The following UBL3 variants were observed in gnomAD, a reference collection of about 807,000 sequenced individuals.
UBL3 encodes the protein ubiquitin like 3, also known as ubiquitin-like protein 3.
Under a neutral mutation model 18.4 loss-of-function variants are expected in UBL3, and 6 were observed. That is an observed-to-expected ratio of 0.33 (90% CI 0.18 to 0.64). The LOEUF (loss-of-function observed/expected upper bound fraction) is 0.64. Ranked by LOEUF, UBL3 falls within the 30% of genes least tolerant of loss-of-function variation. UBL3 has a pLI of 0.76. For synonymous variants in UBL3, 49 were observed against 46.6 expected (o/e 1.05, Z -0.21); for missense variants, 109 against 142.9 (o/e 0.76, Z 1.21).
At chr13:29,805,717 A>C (rs1877882925) in intron 1 of UBL3, among the ~76,000 whole-genome samples, 1 of 152,230 alleles carries the variant, frequency 6.6e-6, no homozygotes. Context: ...GATTTCACCT[A>C]TTCATTATAT....
chr13:29,774,600 A>T (rs1333113739), intron 2 of UBL3, among the ~76,000 whole-genome samples: 1 of 152,154 alleles, frequency 6.6e-6, no homozygotes, highest in African/African-American at 2.4e-5. Context: ...TAGCTTCAGT[A>T]TCTCCCTGAC....
intron 2 of UBL3, among the ~76,000 whole-genome samples, chr13:29,773,197 C>CT (rs1210339452): frequency 6.6e-6 from 1 of 152,036 alleles, no homozygotes; most frequent in Non-Finnish European, 1.5e-5. Flanking sequence ...TTCTTTTGCC[C>CT]TTTTTTTGAC....
At position 29,813,983 on chromosome 13, in the gene UBL3, T is replaced by C. The variant is rs571028153; in HGVS notation, c.27+35529A>G. Among the ~76,000 whole-genome samples, 11 of 152,242 alleles carry C rather than the reference T, an allele frequency of 7.2e-5. No individual in the cohort carries two copies. The East Asian group carries it at 1.9e-3, about 27-fold the overall frequency. ...TATTAGTGACACTGTTCTGGTTATC[T>C]AATGAAATAATGTTCAGAGTTACAA... On this transcript the variant is annotated intron_variant, in intron 1 of 4. Transcript: ENST00000380680.
rs1879015643 is a variant in UBL3, at chr13:29,838,478, G to T, written c.27+11034C>A. 3.3e-5 allele frequency among the ~76,000 whole-genome samples: 5 copies of T among 152,240 alleles called. No individual in the cohort carries two copies. The South Asian group carries it at 1.0e-3, about 32-fold the overall frequency. The stretch of plus-strand genomic sequence containing the variant: ...TAATTACTTTAACAATAATAATAAT[G>T]ACATCTTTGGGGTTGAAAACAAAGC... On this transcript the variant is annotated intron_variant, in intron 1 of 4. Coordinates refer to ENST00000380680, the MANE Select transcript of UBL3 (RefSeq NM_007106.4).
chr13:29,835,136 ATATATATATATAT>A (rs1566001089), intron 1 of UBL3, among the ~76,000 whole-genome samples: 338 of 8,724 alleles, frequency 0.039, 17 homozygotes, highest in Non-Finnish European at 0.05. Context: ...ATATATATAT[ATATATATATATAT>A]ATATATATAT....
intron 1 of UBL3, among the ~76,000 whole-genome samples, chr13:29,830,341 A>G (rs1018903223): frequency 6.6e-6 from 1 of 152,250 alleles, no homozygotes; most frequent in Non-Finnish European, 1.5e-5. Context: ...CAACTTATCA[A>G]TGAACCCAGA....
At chr13:29,798,589 T>G (rs1424721544) in intron 1 of UBL3, among the ~76,000 whole-genome samples, 1 of 152,174 alleles carries the variant, frequency 6.6e-6, no homozygotes, top group Non-Finnish European at 1.5e-5. Context: ...ATTCTACAAA[T>G]TTTTCACAGC....
chr13:29,829,317 T>C lies in UBL3; in HGVS notation c.27+20195A>G, dbSNP rs1227442310. ...GTCTACAGAGGCAGGCAGGCCTCCCTGAGCTGTGGTGGGCTCCAGCCAGTT... is the reference window on the plus strand; with the variant it reads ...GTCTACAGAGGCAGGCAGGCCTCCCCGAGCTGTGGTGGGCTCCAGCCAGTT... On this transcript the variant is annotated intron_variant, in intron 1 of 4. Coordinates refer to ENST00000380680, the MANE Select transcript of UBL3 (RefSeq NM_007106.4). Among the ~76,000 whole-genome samples, 3 of 152,248 alleles carry C rather than the reference T, an allele frequency of 2.0e-5. No homozygotes were observed. The East Asian group carries it at 5.8e-4, about 29-fold the overall frequency.
In UBL3 at chr13:29,842,293, G is replaced by A. The variant is rs374955754; in HGVS notation, c.27+7219C>T. Among the ~76,000 whole-genome samples the A allele has an allele frequency of 1.9e-3, 288 of 152,058 alleles. 1 individual carries two copies. The highest frequency in any genetic ancestry group is 6.6e-3 in the African/African-American group (272 of 41,448). ...CTGCCTCAGCCTCCGGAGTAGCTGC[G>A]ATTACAGACGCCTGCCACAATGCCC... On this transcript the variant is annotated intron_variant, in intron 1 of 4. Transcript: ENST00000380680.
intron 1 of UBL3, among the ~76,000 whole-genome samples, chr13:29,801,133 C>T (rs7326253): frequency 0.38 from 58,142 of 151,842 alleles, 11,329 homozygotes; most frequent in African/African-American, 0.47. Flanking sequence ...CTGCCCTTGC[C>T]ACCCTCAAGC....
chr13:29,836,599 C>T (rs1878968605), intron 1 of UBL3, among the ~76,000 whole-genome samples: 1 of 151,838 alleles, frequency 6.6e-6, no homozygotes, highest in South Asian at 2.1e-4. Context: ...CCCTTCAATT[C>T]CCCCTTGAGG....
At position 29,816,066 on chromosome 13, in the gene UBL3, T is replaced by C. The variant is rs1204893911; in HGVS notation, c.27+33446A>G. Among the ~76,000 whole-genome samples, 5 of 152,270 alleles carry C rather than the reference T, an allele frequency of 3.3e-5. No individual in the cohort carries two copies. The East Asian group carries it at 9.6e-4, about 29-fold the overall frequency. On this transcript the variant is annotated intron_variant, in intron 1 of 4. Coordinates refer to ENST00000380680, the MANE Select transcript of UBL3 (RefSeq NM_007106.4). The stretch of plus-strand genomic sequence containing the variant: ...CAGAATGCTATGCTACGAATTCTGT[T>C]AGCTTTGTAGGATTTTTTTCCCCAC...
At chr13:29,767,479 T>C in intron 4 of UBL3, 139 bp downstream of exon 4, 1 of 1,183,236 alleles carries the variant, frequency 8.5e-7, no homozygotes, top group Non-Finnish European at 1.2e-6. Context: ...GTTTCAAAAA[T>C]GTCTGGTTAT....
At position 29,766,303 on chromosome 13, in the gene UBL3, T is replaced by A. The variant is rs1876678966; in HGVS notation, c.*952A>T. On this transcript the variant is annotated 3_prime_UTR_variant, in exon 5 of 5. Transcript: ENST00000380680. ...AGAAACAAAATTAGTACTATGGAGT[T>A]TTTTTTTAATTTTAAGAATTCATCT... 1.3e-5 allele frequency: 2 copies of A among 152,546 alleles called. No individual in the cohort carries two copies. The highest frequency in any genetic ancestry group is 6.6e-5 in the Admixed American group (1 of 15,264). The allele number at this position is 152,546 out of a possible 1,614,324, so 9.4% of individuals were successfully genotyped here. A position where few individuals can be genotyped will look rare whatever the true frequency, so the allele number is the denominator to read the frequency against.
intron 1 of UBL3, among the ~76,000 whole-genome samples, chr13:29,781,990 G>A (rs958466025): frequency 1.3e-5 from 2 of 151,008 alleles, no homozygotes; most frequent in Admixed American, 6.6e-5. Flanking sequence ...GTGACAGAAT[G>A]AGACCCCATC....
rs1161020332 is a variant in UBL3, at chr13:29,765,108, A to C, written c.*2147T>G. ...AATTGAGGGAAATATATAATCTGAG[A>C]ACACACAGAAAAATATATTGAAAAA... is the stretch of plus-strand genomic sequence containing the variant. On this transcript the variant is annotated 3_prime_UTR_variant, in exon 5 of 5. Coordinates refer to ENST00000380680, the MANE Select transcript of UBL3 (RefSeq NM_007106.4). 1.3e-5 allele frequency: 2 copies of C among 152,174 alleles called. No individual in the cohort carries two copies. Among genetic ancestry groups the C allele is most frequent in the Non-Finnish European group, 2.9e-5 (2 of 68,006 alleles). 9.4% of individuals were successfully genotyped at this position (152,174 alleles called of 1,614,324 possible). A position where few individuals can be genotyped will look rare whatever the true frequency, so the allele number is the denominator to read the frequency against.
At chr13:29,835,109 T>A (rs1274064871) in intron 1 of UBL3, among the ~76,000 whole-genome samples, 1 of 15,572 alleles carries the variant, frequency 6.4e-5, no homozygotes, top group African/African-American at 5.6e-4. Context: ...TATATATAAA[T>A]ATATATATAT....
chr13:29,836,300 TAAAA>T (rs2139364447), intron 1 of UBL3, among the ~76,000 whole-genome samples: 1 of 150,582 alleles, frequency 6.6e-6, no homozygotes, highest in East Asian at 2.0e-4. Context: ...ACTAGAAGGA[TAAAA>T]GAGAGAGAGG....
rs530332723 is a variant in UBL3, at chr13:29,831,764, T to C, written c.27+17748A>G. On this transcript the variant is annotated intron_variant, in intron 1 of 4. Coordinates refer to ENST00000380680, the MANE Select transcript of UBL3 (RefSeq NM_007106.4). Reference sequence around the variant, plus strand: ...AAAAAAACTAAAAAATCACAAAAAGTAAAACAAAAAGCTTAGCAGTCTGGG... The same window carrying C: ...AAAAAAACTAAAAAATCACAAAAAGCAAAACAAAAAGCTTAGCAGTCTGGG... Among the ~76,000 whole-genome samples, 30 of 148,698 alleles carry C rather than the reference T, an allele frequency of 2.0e-4. No individual in the cohort carries two copies. In the East Asian group the frequency reaches 5.6e-3, roughly 28 times the overall value.
Sources: allele counts gnomAD v4.1 joint callset (sites outside exome capture counted in the v4.1 genomes callset), GRCh38; gene constraint gnomAD v4.1.1; transcripts MANE v1.5; gene names NCBI Gene and HGNC (gene_info 2026-07-23, HGNC 2026-07-21).